Variants in PTPRT observed in about 807,000 individuals in gnomAD.
PTPRT encodes protein tyrosine phosphatase receptor type T, also known as receptor-type tyrosine-protein phosphatase T.
Under a neutral mutation model 176.8 loss-of-function variants are expected in PTPRT, and 56 were observed. The observed-to-expected ratio is 0.32, with a 90% CI of 0.26 to 0.40. The LOEUF (loss-of-function observed/expected upper bound fraction) is 0.40, where lower values mean the gene tolerates loss of function less well. Ranked by LOEUF, PTPRT falls within the 10% of genes least tolerant of loss-of-function variation. PTPRT has a pLI of 1.00. For synonymous variants in PTPRT, 783 were observed against 739.0 expected, an observed-to-expected ratio of 1.06 and a Z score of -0.96; for missense variants, 1,540 against 1,908.2, an observed-to-expected ratio of 0.81 and a Z score of 3.60.
chr20:42,342,964 G>A (rs1203396859), intron 11 of PTPRT, among the ~76,000 whole-genome samples: 3 of 152,154 alleles, frequency 2.0e-5, no homozygotes, highest in East Asian at 1.9e-4. Flanking sequence ...TTCTCATCAG[G>A]AGGTGAAGAG....
chr20:42,637,479 A>C (rs953162644), intron 7 of PTPRT, among the ~76,000 whole-genome samples: 1 of 152,094 alleles, frequency 6.6e-6, no homozygotes, highest in Non-Finnish European at 1.5e-5. Context: ...TTGCTCCCTC[A>C]ACCCAGAATG....
intron 13 of PTPRT, among the ~76,000 whole-genome samples, chr20:42,270,891 A>T (rs1215191668): frequency 6.6e-6 from 1 of 152,120 alleles, no homozygotes; most frequent in Admixed American, 6.5e-5. Flanking sequence ...CCCTCTTATA[A>T]TCAATCACCA....
chr20:43,045,868 G>C (rs910829), intron 1 of PTPRT, among the ~76,000 whole-genome samples: 48,825 of 151,994 alleles, frequency 0.32, 10,927 homozygotes, highest in African/African-American at 0.63. Flanking sequence ...GGTGAAAAGG[G>C]ATGAAAGGAG....
the PTPRT span, among the ~76,000 whole-genome samples, chr20:42,055,624 A>C: frequency 6.6e-6 from 1 of 152,194 alleles, no homozygotes. Context: ...TGCAGCCTAC[A>C]CTGACACACT....
At chr20:42,379,354 T>C (rs925748764) in intron 9 of PTPRT, among the ~76,000 whole-genome samples, 1 of 152,354 alleles carries the variant, frequency 6.6e-6, no homozygotes, top group South Asian at 2.1e-4. Flanking sequence ...CCTGCAGCAA[T>C]AGAGAAATCC....
intron 9 of PTPRT, among the ~76,000 whole-genome samples, chr20:42,371,267 C>A (rs1043264888): frequency 6.6e-6 from 1 of 152,198 alleles, no homozygotes; most frequent in African/African-American, 2.4e-5. Flanking sequence ...AAGGCACCAT[C>A]CTGTGCCAAC....
intron 13 of PTPRT, among the ~76,000 whole-genome samples, chr20:42,251,512 G>A (rs1217013197): frequency 6.6e-6 from 1 of 151,912 alleles, no homozygotes; most frequent in Non-Finnish European, 1.5e-5. Flanking sequence ...ACCCTGTTAA[G>A]GTTTGAACAG....
intron 6 of PTPRT, among the ~76,000 whole-genome samples, chr20:42,728,451 A>G (rs1048880779): frequency 3.3e-5 from 5 of 152,164 alleles, no homozygotes; most frequent in African/African-American, 1.2e-4. Flanking sequence ...AGGCTAAATG[A>G]TCCAGTGGTG....
intron 1 of PTPRT, among the ~76,000 whole-genome samples, chr20:43,122,160 G>T (rs1470098941): frequency 2.0e-5 from 3 of 152,212 alleles, no homozygotes; most frequent in Non-Finnish European, 1.5e-5. Flanking sequence ...CAAGTTCCCA[G>T]GTGATTCCCA....
chr20:42,842,508 C>A (rs1245184585), intron 2 of PTPRT, among the ~76,000 whole-genome samples: 1 of 151,802 alleles, frequency 6.6e-6, no homozygotes, highest in East Asian at 1.9e-4. Context: ...CAACCTCTGC[C>A]CCCCAGATTC....
At chr20:42,134,228 G>A (rs6124419) in intron 18 of PTPRT, among the ~76,000 whole-genome samples, 11,253 of 152,232 alleles carry the variant, frequency 0.074, 512 homozygotes, top group East Asian at 0.19. Context: ...GGCGGCAGGC[G>A]ATGTGAAGGC....
chr20:42,233,742 G>T (rs528696890), intron 15 of PTPRT, among the ~76,000 whole-genome samples: 3 of 152,220 alleles, frequency 2.0e-5, no homozygotes, highest in East Asian at 3.9e-4. Context: ...CGTCATGGGG[G>T]CCTTGGGGTT....
chr20:42,099,817 T>TGGG (rs552600202), intron 26 of PTPRT, among the ~76,000 whole-genome samples: 1 of 151,542 alleles, frequency 6.6e-6, no homozygotes, highest in Non-Finnish European at 1.5e-5. Context: ...GTGCATTGGC[T>TGGG]GGGGGGGCCC....
At chr20:43,026,847 A>G (rs1985934171) in intron 1 of PTPRT, among the ~76,000 whole-genome samples, 1 of 152,142 alleles carries the variant, frequency 6.6e-6, no homozygotes, top group South Asian at 2.1e-4. Context: ...TCTCTGGGCT[A>G]TTTTACTGAA....
chr20:42,041,687 G>A, the PTPRT span, among the ~76,000 whole-genome samples: 4 of 152,154 alleles, frequency 2.6e-5, no homozygotes, highest in Non-Finnish European at 5.9e-5. Flanking sequence ...TGCGCTCAAT[G>A]TTCTCGTATA....
chr20:42,945,647 C>G (rs1008552386), intron 1 of PTPRT, among the ~76,000 whole-genome samples: 9 of 152,328 alleles, frequency 5.9e-5, no homozygotes, highest in Non-Finnish European at 1.2e-4. Flanking sequence ...GCCCCTTGTG[C>G]TGGACCCAGG....
At chr20:42,380,717 G>A (rs1313533896) in intron 9 of PTPRT, among the ~76,000 whole-genome samples, 1 of 152,188 alleles carries the variant, frequency 6.6e-6, no homozygotes, top group Non-Finnish European at 1.5e-5. Context: ...ATTGGACTCT[G>A]AGCTCCCCGA....
chr20:43,163,439 C>CGGG (rs2014759531), intron 1 of PTPRT, among the ~76,000 whole-genome samples: 1 of 152,106 alleles, frequency 6.6e-6, no homozygotes, highest in Non-Finnish European at 1.5e-5. Context: ...GAGATCAAGA[C>CGGG]CATCCTGGCT....
intron 13 of PTPRT, chr20:42,270,335 T>C: frequency 6.8e-7 from 1 of 1,461,574 alleles, no homozygotes; most frequent in Non-Finnish European, 9.4e-7. Context: ...GCACCTGGCC[T>C]GGAGGACCCA....
Sources: allele counts gnomAD v4.1 joint callset (sites outside exome capture counted in the v4.1 genomes callset), GRCh38; gene constraint gnomAD v4.1.1; transcripts MANE v1.5; gene names NCBI Gene and HGNC (gene_info 2026-07-23, HGNC 2026-07-21).